Variants in CSMD1 observed in about 807,000 individuals in gnomAD.
CSMD1 encodes the protein CUB and Sushi multiple domains 1.
CSMD1 carries 213 observed loss-of-function variants against 417.5 expected under a neutral mutation model. The ratio of observed to expected loss-of-function variants is 0.51; its 90% CI spans 0.46 to 0.57. CSMD1 has a LOEUF of 0.57. Ranked by LOEUF, CSMD1 falls within the 20% of genes least tolerant of loss-of-function variation. CSMD1 has a pLI of 0.00. For missense variants in CSMD1, 6,923 were observed against 4,529.7 expected (o/e 1.53, Z -15.17); for synonymous variants, 2,862 against 1,736.8 (o/e 1.65, Z -16.11).
At chr8:3,611,228 T>C (rs980316094) in intron 8 of CSMD1, among the ~76,000 whole-genome samples, 1 of 144,882 alleles carries the variant, frequency 6.9e-6, no homozygotes, top group African/African-American at 2.5e-5. Flanking sequence ...AAACTTAAAG[T>C]ATAATAATAA....
chr8:4,424,727 C>T (rs562433628), intron 2 of CSMD1, among the ~76,000 whole-genome samples: 1 of 152,084 alleles, frequency 6.6e-6, no homozygotes, highest in Non-Finnish European at 1.5e-5. Context: ...CTGCATTTGC[C>T]CTAGAAATGC....
At chr8:3,202,261 A>G (rs1190606628) in intron 31 of CSMD1, among the ~76,000 whole-genome samples, 2 of 152,238 alleles carry the variant, frequency 1.3e-5, no homozygotes, top group Non-Finnish European at 2.9e-5. Flanking sequence ...ATCAAACCCC[A>G]TGATGATTTG....
chr8:3,950,861 T>C (rs1811553098), intron 5 of CSMD1, among the ~76,000 whole-genome samples: 2 of 152,198 alleles, frequency 1.3e-5, no homozygotes, highest in Admixed American at 1.3e-4. Flanking sequence ...TTTAAAAGAT[T>C]AAATTTCATT....
rs185250402 is a variant in CSMD1 at position 4,867,113 on chromosome 8, T to C, written c.85+127219A>G. 2.7e-4 allele frequency among the ~76,000 whole-genome samples: 41 copies of C among 152,210 alleles called. No individual in the cohort carries two copies. In the East Asian group the frequency reaches 5.2e-3, roughly 19 times the overall value. On this transcript the variant is annotated intron_variant, in intron 1 of 69. Coordinates refer to ENST00000635120, the MANE Select transcript of CSMD1 (RefSeq NM_033225.6). ...AGAAAATAAAGTGACCCTTGTGATA[T>C]GAACTTCATGAACTACACACATATT...
intron 63 of CSMD1, among the ~76,000 whole-genome samples, chr8:2,956,922 A>G (rs1254398825): frequency 6.6e-6 from 1 of 152,124 alleles, no homozygotes; most frequent in Non-Finnish European, 1.5e-5. Context: ...TACTATCAAC[A>G]TATAATTTGA....
At chr8:4,116,139 G>A (rs1293405870) in intron 3 of CSMD1, among the ~76,000 whole-genome samples, 9 of 151,842 alleles carry the variant, frequency 5.9e-5, no homozygotes, top group East Asian at 3.9e-4. Context: ...ATTTACAGGC[G>A]CGTACCACCG....
At chr8:2,993,209 G>A (rs1806556180) in intron 54 of CSMD1, among the ~76,000 whole-genome samples, 1 of 152,152 alleles carries the variant, frequency 6.6e-6, no homozygotes, top group African/African-American at 2.4e-5. Context: ...TAAGAACAAT[G>A]TATAAAGGCC....
At chr8:4,173,592 G>A (rs1179132489) in intron 3 of CSMD1, among the ~76,000 whole-genome samples, 1 of 152,084 alleles carries the variant, frequency 6.6e-6, no homozygotes, top group Non-Finnish European at 1.5e-5. Context: ...GATTCGCTGG[G>A]TTTAAAAGTT....
At chr8:3,457,793 C>A (rs1016165422) in intron 12 of CSMD1, among the ~76,000 whole-genome samples, 8 of 152,092 alleles carry the variant, frequency 5.3e-5, no homozygotes, top group African/African-American at 1.9e-4. Flanking sequence ...AAGGAAAAAA[C>A]CTGTTTGTAA....
intron 3 of CSMD1, among the ~76,000 whole-genome samples, chr8:4,319,718 A>G (rs1799156334): frequency 6.6e-6 from 1 of 152,098 alleles, no homozygotes; most frequent in African/African-American, 2.4e-5. Flanking sequence ...CTTGGATTAG[A>G]GGAAAAAGAA....
chr8:4,967,825 G>T (rs55834469), intron 1 of CSMD1, among the ~76,000 whole-genome samples: 1 of 152,070 alleles, frequency 6.6e-6, no homozygotes, highest in African/African-American at 2.4e-5. Flanking sequence ...AAGTTTAAAA[G>T]GAAGTTGTAA....
chr8:4,298,539 G>A (rs934882417), intron 3 of CSMD1, among the ~76,000 whole-genome samples: 2 of 152,078 alleles, frequency 1.3e-5, no homozygotes, highest in African/African-American at 4.8e-5. Flanking sequence ...ATGTACACAT[G>A]TAGCAAAATT....
At chr8:4,145,536 G>C (rs1332354491) in intron 3 of CSMD1, among the ~76,000 whole-genome samples, 1 of 150,920 alleles carries the variant, frequency 6.6e-6, no homozygotes. Context: ...ATCCCATTCA[G>C]AATTTCTTTA....
chr8:4,153,707 C>CT (rs1397439082), intron 3 of CSMD1, among the ~76,000 whole-genome samples: 2 of 152,182 alleles, frequency 1.3e-5, no homozygotes, highest in African/African-American at 2.4e-5. Flanking sequence ...CCGGCAGTCC[C>CT]ACAGATATAA....
At chr8:3,445,492 A>C (rs1309349004) in intron 12 of CSMD1, among the ~76,000 whole-genome samples, 2 of 152,184 alleles carry the variant, frequency 1.3e-5, no homozygotes, top group African/African-American at 2.4e-5. Flanking sequence ...AGATGGAACC[A>C]AGCCTCTATA....
At chr8:4,451,109 C>G (rs138321347) in intron 2 of CSMD1, among the ~76,000 whole-genome samples, 1 of 152,144 alleles carries the variant, frequency 6.6e-6, no homozygotes. Context: ...GAGGATTACT[C>G]CTGAGTTCAA....
intron 3 of CSMD1, among the ~76,000 whole-genome samples, chr8:4,234,170 G>A (rs898891773): frequency 1.3e-5 from 2 of 152,176 alleles, no homozygotes; most frequent in Non-Finnish European, 2.9e-5. Flanking sequence ...ATTCCCAGGA[G>A]TTAACTCTTG....
chr8:3,866,124 G>C (rs987374374), intron 5 of CSMD1, among the ~76,000 whole-genome samples: 1 of 152,144 alleles, frequency 6.6e-6, no homozygotes, highest in Non-Finnish European at 1.5e-5. Context: ...CCATATGTAA[G>C]TGTTTATGAA....
At chr8:4,362,020 C>G (rs1235616940) in intron 3 of CSMD1, among the ~76,000 whole-genome samples, 1 of 151,756 alleles carries the variant, frequency 6.6e-6, no homozygotes, top group African/African-American at 2.4e-5. Context: ...TAAGAAAAAG[C>G]AAGACAAGGA....
Sources: allele counts gnomAD v4.1 joint callset (sites outside exome capture counted in the v4.1 genomes callset), GRCh38; gene constraint gnomAD v4.1.1; transcripts MANE v1.5; gene names NCBI Gene and HGNC (gene_info 2026-07-23, HGNC 2026-07-21).